The following UBE2G1 variants were observed in gnomAD, a reference collection of about 807,000 sequenced individuals.
The protein encoded by UBE2G1 is ubiquitin-conjugating enzyme E2 G1.
Under a neutral mutation model 22.7 loss-of-function variants are expected in UBE2G1, and 5 were observed. That is an observed-to-expected ratio of 0.22 (90% confidence interval 0.12 to 0.46). The LOEUF (loss-of-function observed/expected upper bound fraction) is 0.46, where lower values mean the gene tolerates loss of function less well. UBE2G1 is among the 20% of genes least tolerant of loss of function. UBE2G1 has a pLI of 0.99. For synonymous variants in UBE2G1, 74 were observed against 67.5 expected (o/e 1.10, Z -0.47); for missense variants, 88 against 203.9 (o/e 0.43, Z 3.46).
At chr17:4,362,219 A>G (rs553176101) in intron 1 of UBE2G1, among the ~76,000 whole-genome samples, 4 of 152,334 alleles carry the variant, frequency 2.6e-5, no homozygotes, top group Admixed American at 6.5e-5. Context: ...GTCTAATAAT[A>G]TCCACAGAGA....
At chr17:4,302,363 C>A (rs547804142) in intron 2 of UBE2G1, 26 of 485,382 alleles carry the variant, frequency 5.4e-5, no homozygotes, top group South Asian at 4.2e-4. Flanking sequence ...TGATGTGGAG[C>A]CCTTGGGTTG....
chr17:4,275,109 AAAC>A (rs978855177), intron 5 of UBE2G1, among the ~76,000 whole-genome samples: 6 of 152,330 alleles, frequency 3.9e-5, no homozygotes, highest in Middle Eastern at 3.4e-3. Context: ...TCTTAAAAAA[AAAC>A]AACACTAAAA....
chr17:4,307,504 G>T (rs1280692460), intron 1 of UBE2G1, among the ~76,000 whole-genome samples: 2 of 152,194 alleles, frequency 1.3e-5, no homozygotes, highest in Non-Finnish European at 2.9e-5. Flanking sequence ...TGTCTTCAGG[G>T]TATACTTTCA....
intron 1 of UBE2G1, among the ~76,000 whole-genome samples, chr17:4,346,318 T>TA (rs1193325830): frequency 2.0e-5 from 3 of 152,014 alleles, no homozygotes; most frequent in Non-Finnish European, 4.4e-5. Context: ...TATCCAGACT[T>TA]ATACCGAAAT....
At chr17:4,333,858 C>T (rs1207246832) in intron 1 of UBE2G1, among the ~76,000 whole-genome samples, 1 of 152,038 alleles carries the variant, frequency 6.6e-6, no homozygotes, top group Non-Finnish European at 1.5e-5. Context: ...TTGCCTAATT[C>T]GCAGTCAAAG....
intron 1 of UBE2G1, among the ~76,000 whole-genome samples, chr17:4,357,520 GTGGGT>G (rs1969921698): frequency 2.0e-5 from 1 of 50,624 alleles, no homozygotes; most frequent in African/African-American, 6.9e-5. Flanking sequence ...GGGGGGGGGG[GTGGGT>G]GTATAACTCT....
At chr17:4,297,647 G>C (rs751766108) in intron 2 of UBE2G1, among the ~76,000 whole-genome samples, 4 of 152,082 alleles carry the variant, frequency 2.6e-5, no homozygotes, top group Non-Finnish European at 4.4e-5. Context: ...TTGCGGCCTT[G>C]GTACTAAATA....
At chr17:4,272,833 T>C (rs894817675) in intron 5 of UBE2G1, among the ~76,000 whole-genome samples, 3 of 152,128 alleles carry the variant, frequency 2.0e-5, no homozygotes, top group Non-Finnish European at 2.9e-5. Context: ...TCACAGAACG[T>C]TCTACTGGAC....
intron 1 of UBE2G1, among the ~76,000 whole-genome samples, chr17:4,326,673 G>GA (rs1190158398): frequency 6.6e-6 from 1 of 152,120 alleles, no homozygotes; most frequent in Non-Finnish European, 1.5e-5. Context: ...TCAAAACGTG[G>GA]AAACAACCCA....
At chr17:4,274,795 G>A (rs1182347048) in intron 5 of UBE2G1, among the ~76,000 whole-genome samples, 1 of 152,166 alleles carries the variant, frequency 6.6e-6, no homozygotes, top group Non-Finnish European at 1.5e-5. Context: ...GCTCCTGCCT[G>A]TAGTCCCAGC....
At chr17:4,338,304 G>T (rs1273870959) in intron 1 of UBE2G1, among the ~76,000 whole-genome samples, 1 of 152,012 alleles carries the variant, frequency 6.6e-6, no homozygotes, top group Non-Finnish European at 1.5e-5. Flanking sequence ...TAATAGAGAA[G>T]AAATAAAAAT....
In UBE2G1 at chr17:4,271,091, C is replaced by T. The variant is rs1407883420; in HGVS notation, c.*1463G>A. 3 of 152,218 alleles carry T rather than the reference C, an allele frequency of 2.0e-5. No homozygotes were observed. Among genetic ancestry groups the T allele is most frequent in the African/African-American group, 7.2e-5 (3 of 41,440 alleles). The allele number at this position is 152,218 out of a possible 1,614,324, so 9.4% of individuals were successfully genotyped here. On this transcript the variant is annotated 3_prime_UTR_variant, in exon 6 of 6. Transcript: ENST00000396981. ...AAACATGAAGGAGCCTAAGGCCTGC[C>T]TTTAACACTGCACATGTTCATTTTA...
At chr17:4,361,224 G>A (rs1969962764) in intron 1 of UBE2G1, among the ~76,000 whole-genome samples, 1 of 146,074 alleles carries the variant, frequency 6.8e-6, no homozygotes, top group Non-Finnish European at 1.5e-5. Flanking sequence ...CTCTGTGTTG[G>A]GAAAAAAAAA....
At chr17:4,284,143 C>T (rs1391897264) in intron 4 of UBE2G1, among the ~76,000 whole-genome samples, 11 of 129,862 alleles carry the variant, frequency 8.5e-5, no homozygotes, top group Non-Finnish European at 1.6e-4. Context: ...AGCGACAGAG[C>T]GAGACTCCGT....
chr17:4,363,723 C>G (rs765274090), intron 1 of UBE2G1, among the ~76,000 whole-genome samples: 2 of 151,920 alleles, frequency 1.3e-5, no homozygotes, highest in Non-Finnish European at 2.9e-5. Context: ...GAGGCTGAGA[C>G]GGGCGGATCA....
intron 1 of UBE2G1, among the ~76,000 whole-genome samples, chr17:4,333,818 CA>C (rs897454656): frequency 2.3e-4 from 33 of 143,586 alleles, no homozygotes; most frequent in South Asian, 2.2e-4. Flanking sequence ...GACTCCGTCT[CA>C]AAAAAAAAAA....
At chr17:4,365,135 T>C (rs1223048331) in intron 1 of UBE2G1, among the ~76,000 whole-genome samples, 1 of 152,230 alleles carries the variant, frequency 6.6e-6, no homozygotes, top group Non-Finnish European at 1.5e-5. Flanking sequence ...ACAGATTTCA[T>C]CACTCCAGTC....
In UBE2G1 at chr17:4,271,395, C is replaced by G. The variant is rs1266536843; in HGVS notation, c.*1159G>C. The G allele has an allele frequency of 6.6e-6, 1 of 152,542 alleles. No individual in the cohort carries two copies. Among genetic ancestry groups the G allele is most frequent in the Non-Finnish European group, 1.5e-5 (1 of 68,028 alleles). 9.4% of individuals were successfully genotyped at this position (152,542 alleles called of 1,614,324 possible). A position where few individuals can be genotyped will look rare whatever the true frequency, so the allele number is the denominator to read the frequency against. Reference sequence around the variant, plus strand: ...CTTCTCTGGCACTCAGTATTATAGCCTTCATTCAATACAATAAAAGCCAAC... The same window carrying G: ...CTTCTCTGGCACTCAGTATTATAGCGTTCATTCAATACAATAAAAGCCAAC... On this transcript the variant is annotated 3_prime_UTR_variant, in exon 6 of 6. Coordinates refer to ENST00000396981, the MANE Select transcript of UBE2G1 (RefSeq NM_003342.5).
chr17:4,339,462 G>A (rs559514219), intron 1 of UBE2G1, among the ~76,000 whole-genome samples: 218 of 152,038 alleles, frequency 1.4e-3, no homozygotes, highest in Admixed American at 3.3e-3. Flanking sequence ...CCACGACCAC[G>A]ATCGGCTAAT....
Sources: allele counts gnomAD v4.1 joint callset (sites outside exome capture counted in the v4.1 genomes callset), GRCh38; gene constraint gnomAD v4.1.1; transcripts MANE v1.5; gene names NCBI Gene and HGNC (gene_info 2026-07-23, HGNC 2026-07-21).